PKD2L1: variants seen among roughly 807,000 people sequenced by gnomAD.
The protein encoded by PKD2L1 is polycystin-2-like protein 1.
Under a neutral mutation model 93.0 loss-of-function variants are expected in PKD2L1, and 77 were observed. The observed-to-expected ratio is 0.83, with a 90% CI of 0.69 to 1.00. The LOEUF is 1.00. Among genes scored for constraint, PKD2L1 ranks in the 50% least tolerant of loss-of-function variants. PKD2L1 has a pLI of 0.00. For synonymous variants in PKD2L1, 390 were observed against 388.0 expected, an observed-to-expected ratio of 1.01 and a Z score of -0.06; for missense variants, 977 against 990.9, an observed-to-expected ratio of 0.99 and a Z score of 0.19.
intron 2 of PKD2L1, among the ~76,000 whole-genome samples, chr10:100,317,850 G>A (rs894425966): frequency 2.0e-5 from 3 of 152,292 alleles, no homozygotes; most frequent in African/African-American, 7.2e-5. Flanking sequence ...GGAGGCTGAG[G>A]TGGGCAGATC....
chr10:100,301,211 C>G (rs969074003), intron 2 of PKD2L1, among the ~76,000 whole-genome samples: 1 of 152,250 alleles, frequency 6.6e-6, no homozygotes, highest in East Asian at 1.9e-4. Flanking sequence ...AAGGTCAAGG[C>G]GAGATCACAA....
At chr10:100,293,189 G>A in intron 10 of PKD2L1, 92 bp downstream of exon 10, 1 of 1,548,498 alleles carries the variant, frequency 6.5e-7, no homozygotes, top group African/African-American at 1.4e-5. Flanking sequence ...CAAGGGCACA[G>A]GCACCTCAAT....
chr10:100,298,684 T>C lies in PKD2L1; in HGVS notation c.609A>G (p.Leu203=), dbSNP rs760703370. 8.7e-6 allele frequency: 14 copies of C among 1,614,052 alleles called. No individual in the cohort carries two copies. Among genetic ancestry groups the C allele is most frequent in the African/African-American group, 1.3e-5 (1 of 74,922 alleles). Residue 203 remains leucine (L), a synonymous_variant, in exon 4 of 16, where the codon CTA becomes CTG. Transcript: ENST00000318222. Reference sequence around the variant, plus strand: ...CCACACAGGAGTCATTGCGGACCTTTAGCTGCCGCAGCCTCGGAACCCCCA... The same window carrying C: ...CCACACAGGAGTCATTGCGGACCTTCAGCTGCCGCAGCCTCGGAACCCCCA... ...MLLGVPRLRQ[L]KVRNDSCVVH...
intron 12 of PKD2L1, 107 bp downstream of exon 12, chr10:100,291,194 C>T (rs1848397594): frequency 4.3e-6 from 5 of 1,162,654 alleles, no homozygotes; most frequent in South Asian, 1.5e-5. Context: ...GAGTTCTTTA[C>T]TATCTATGGG....
chr10:100,323,940 G>A (rs1849320215), intron 2 of PKD2L1, among the ~76,000 whole-genome samples: 3 of 152,096 alleles, frequency 2.0e-5, no homozygotes, highest in Admixed American at 2.0e-4. Flanking sequence ...TGATTCTCCT[G>A]TCTCAGCCTC....
chr10:100,294,371 G>A (rs1446826879), intron 9 of PKD2L1, among the ~76,000 whole-genome samples, 164 bp downstream of exon 9: 1 of 152,046 alleles, frequency 6.6e-6, no homozygotes, highest in East Asian at 1.9e-4. Flanking sequence ...GACCATGCTG[G>A]CTGTACTACA....
Position 100,288,170 on chromosome 10 carries a change from A to G in PKD2L1, c.*226T>C. ...CAAGTTTTCCTAAGGAGTTTTATTGATAGCCACCATGGAAACCCACATGGT... is the reference window on the plus strand; with the variant it reads ...CAAGTTTTCCTAAGGAGTTTTATTGGTAGCCACCATGGAAACCCACATGGT... On this transcript the variant is annotated 3_prime_UTR_variant, in exon 16 of 16. Coordinates refer to ENST00000318222, the MANE Select transcript of PKD2L1 (RefSeq NM_016112.3). 1 of 488,920 alleles carries G rather than the reference A, an allele frequency of 2.0e-6. No homozygotes were observed. 30.3% of individuals were successfully genotyped at this position (488,920 alleles called of 1,614,324 possible).
chr10:100,321,896 G>GAAGCAAGC (rs1849265648), intron 2 of PKD2L1, among the ~76,000 whole-genome samples: 1 of 93,466 alleles, frequency 1.1e-5, no homozygotes, highest in African/African-American at 5.2e-5. Flanking sequence ...GGGAGGGAGG[G>GAAGCAAGC]AAGGAAGCAA....
chr10:100,315,351 T>C (rs1849078755), intron 2 of PKD2L1, among the ~76,000 whole-genome samples: 1 of 152,110 alleles, frequency 6.6e-6, no homozygotes. Context: ...GGTGGTTTGC[T>C]GCACCTATCG....
intron 2 of PKD2L1, among the ~76,000 whole-genome samples, chr10:100,305,992 G>C (rs111801938): frequency 6.6e-6 from 1 of 152,046 alleles, no homozygotes. Context: ...ATATCAGCCT[G>C]GGCAACGTGG....
chr10:100,297,058 T>C lies in PKD2L1; in HGVS notation c.1107A>G (p.Glu369=), dbSNP rs777977642. The C allele has an allele frequency of 6.2e-7, 1 of 1,614,170 alleles. No individual in the cohort carries two copies. ...FCVFIFYYVV[E]EILELHIHRL... ...GGTGAATGTGGAGCTCCAGGATCTC[T>C]TCCACCACATAGTAGAAGATGAAGA... Residue 369 remains glutamate (E), a synonymous_variant, in exon 6 of 16, where the codon GAA becomes GAG. Transcript: ENST00000318222.
At chr10:100,305,563 C>T (rs940225284) in intron 2 of PKD2L1, among the ~76,000 whole-genome samples, 5 of 152,188 alleles carry the variant, frequency 3.3e-5, no homozygotes, top group African/African-American at 1.2e-4. Flanking sequence ...ACAATACATT[C>T]ATTCAAGTCT....
At chr10:100,292,866 G>A (rs1357014443) in intron 11 of PKD2L1, 82 bp downstream of exon 11, 49 of 1,451,218 alleles carry the variant, frequency 3.4e-5, no homozygotes, top group Non-Finnish European at 4.6e-5. Flanking sequence ...AAAACCAAAG[G>A]CTTATAAGCA....
chr10:100,314,448 G>C (rs766090677), intron 2 of PKD2L1, among the ~76,000 whole-genome samples: 1 of 152,124 alleles, frequency 6.6e-6, no homozygotes, highest in Non-Finnish European at 1.5e-5. Context: ...AAGCAGGCAC[G>C]GGGACAGCCA....
At position 100,329,223 on chromosome 10, in the gene PKD2L1, C is replaced by T. The variant is rs1263452597; in HGVS notation, c.337G>A (p.Asp113Asn). The T allele has an allele frequency of 6.2e-7, 1 of 1,614,102 alleles. No individual in the cohort carries two copies. Among genetic ancestry groups the T allele is most frequent in the South Asian group, 1.1e-5 (1 of 91,076 alleles). ...ELLVYIVFLV[D>N]ICLLTYGMTS... ...AGATGCTACTCACGTAGACAGATGT[C>T]CACCAGGAACACAATATATACCAAC... Residue 113 changes from aspartate to asparagine, a missense_variant, in exon 2 of 16, where the codon GAC (aspartate) becomes AAC (asparagine). Coordinates refer to ENST00000318222, the MANE Select transcript of PKD2L1 (RefSeq NM_016112.3).
At chr10:100,328,880 G>A (rs556619454) in intron 2 of PKD2L1, among the ~76,000 whole-genome samples, 70 of 152,260 alleles carry the variant, frequency 4.6e-4, no homozygotes, top group Non-Finnish European at 9.6e-4. Context: ...GTGAGCCACC[G>A]TGCCAGCCCA....
In PKD2L1 at chr10:100,299,649, G is replaced by C. The variant is rs1420592264; in HGVS notation, c.419C>G (p.Thr140Ser). 1 of 1,611,960 alleles carries C rather than the reference G, an allele frequency of 6.2e-7. No individual in the cohort carries two copies. The highest frequency in any genetic ancestry group is 1.1e-5 in the South Asian group (1 of 91,044). The change falls in exon 3 of 16, where the codon ACT becomes AGT. Residue 140 changes from threonine (T) to serine (S), a missense_variant. By Grantham distance (58) the Thr-to-Ser change is moderately conservative (BLOSUM62 1). Coordinates refer to ENST00000318222, the MANE Select transcript of PKD2L1 (RefSeq NM_016112.3). ...TKVMSELFLH[T>S]PSDTGVSFQA... Reference sequence around the variant, plus strand: ...AAAGGAGACTCCAGTGTCTGATGGAGTATGTAAGAAGAGCTCAGACATCAC... The same window carrying C: ...AAAGGAGACTCCAGTGTCTGATGGACTATGTAAGAAGAGCTCAGACATCAC...
intron 2 of PKD2L1, among the ~76,000 whole-genome samples, chr10:100,301,454 G>GCCCCCC (rs55870246): frequency 6.1e-5 from 9 of 146,410 alleles, no homozygotes; most frequent in African/African-American, 2.3e-4. Flanking sequence ...CATTTTAGAG[G>GCCCCCC]CCCCCCCCCC....
At chr10:100,319,305 G>T (rs1849176044) in intron 2 of PKD2L1, among the ~76,000 whole-genome samples, 1 of 152,210 alleles carries the variant, frequency 6.6e-6, no homozygotes, top group South Asian at 2.1e-4. Context: ...GAGGAATCAA[G>T]GTTTAGAATG....
Sources: allele counts gnomAD v4.1 joint callset (sites outside exome capture counted in the v4.1 genomes callset), GRCh38; gene constraint gnomAD v4.1.1; transcripts MANE v1.5; gene names NCBI Gene and HGNC (gene_info 2026-07-23, HGNC 2026-07-21).